The following SPMAP2L variants were observed in gnomAD, a reference collection of about 807,000 sequenced individuals.
SPMAP2L encodes the protein sperm microtubule associated protein 2 like.
chr4:56,608,410 G>A, the SPMAP2L span, among the ~76,000 whole-genome samples: 2 of 152,160 alleles, frequency 1.3e-5, no homozygotes, highest in Non-Finnish European at 2.9e-5. Context: ...TGGCTAGAAG[G>A]AAGTCAGATG....
At chr4:56,582,375 T>G in the SPMAP2L span, among the ~76,000 whole-genome samples, 1 of 152,138 alleles carries the variant, frequency 6.6e-6, no homozygotes, top group African/African-American at 2.4e-5. Context: ...TAACCCAATT[T>G]TTTAAATCGG....
the SPMAP2L span, among the ~76,000 whole-genome samples, chr4:56,623,366 T>C: frequency 1.7e-4 from 26 of 152,326 alleles, no homozygotes; most frequent in East Asian, 5.0e-3. Context: ...GTGTAAGCTT[T>C]TGGAACAAGG....
At chr4:56,605,014 A>G in the SPMAP2L span, among the ~76,000 whole-genome samples, 1 of 152,144 alleles carries the variant, frequency 6.6e-6, no homozygotes, top group Admixed American at 6.5e-5. Context: ...GAAGGCTGGT[A>G]GGGGGGTGAG....
chr4:56,581,690 T>A, the SPMAP2L span, among the ~76,000 whole-genome samples: 2 of 151,948 alleles, frequency 1.3e-5, no homozygotes, highest in Non-Finnish European at 2.9e-5. Flanking sequence ...AAAGTTCATA[T>A]AGAAATGCAA....
At chr4:56,555,759 G>A in the SPMAP2L span, among the ~76,000 whole-genome samples, 1 of 56,576 alleles carries the variant, frequency 1.8e-5, no homozygotes, top group African/African-American at 6.9e-5. Flanking sequence ...AATTCCGATT[G>A]TTCTTTGTTG....
At chr4:56,599,054 A>C in the SPMAP2L span, among the ~76,000 whole-genome samples, 4 of 152,140 alleles carry the variant, frequency 2.6e-5, no homozygotes, top group South Asian at 8.3e-4. Flanking sequence ...GCCACTCCCC[A>C]ATGGAACTGT....
the SPMAP2L span, among the ~76,000 whole-genome samples, chr4:56,611,741 C>T: frequency 2.0e-5 from 3 of 152,184 alleles, no homozygotes; most frequent in Non-Finnish European, 4.4e-5. Context: ...AGAATTTGCT[C>T]AATGGTGCTT....
chr4:56,559,430 T>C, the SPMAP2L span: 1 of 1,530,634 alleles, frequency 6.5e-7, no homozygotes, highest in Non-Finnish European at 8.7e-7. Context: ...ATTCGCCCTG[T>C]TTCCCAGGGT....
At chr4:56,576,179 G>A in the SPMAP2L span, among the ~76,000 whole-genome samples, 1 of 152,156 alleles carries the variant, frequency 6.6e-6, no homozygotes. Context: ...CACTGGACAT[G>A]TATGTGCAGT....
the SPMAP2L span, among the ~76,000 whole-genome samples, chr4:56,592,056 A>G: frequency 6.6e-6 from 1 of 152,212 alleles, no homozygotes; most frequent in Non-Finnish European, 1.5e-5. Flanking sequence ...GGAGGTGAGC[A>G]GGAGGGTGAG....
chr4:56,531,062 A>G, the SPMAP2L span: 6 of 1,535,392 alleles, frequency 3.9e-6, no homozygotes, highest in African/African-American at 6.8e-5. Flanking sequence ...GAGCCCCGCA[A>G]GTCCCGCGAG....
At chr4:56,617,037 T>C in the SPMAP2L span, among the ~76,000 whole-genome samples, 1 of 152,138 alleles carries the variant, frequency 6.6e-6, no homozygotes, top group African/African-American at 2.4e-5. Context: ...CCTCGAATAG[T>C]ACGGAACCCT....
the SPMAP2L span, chr4:56,548,728 C>CTTAATCATATCTTTGATTCCTG: frequency 1.6e-6 from 2 of 1,218,070 alleles, no homozygotes; most frequent in Non-Finnish European, 2.2e-6. Context: ...GTGATGCTAT[C>CTTAATCATATCTTTGATTCCTG]TTAATCATAT....
the SPMAP2L span, among the ~76,000 whole-genome samples, chr4:56,555,209 G>A: frequency 6.6e-6 from 1 of 152,224 alleles, no homozygotes; most frequent in East Asian, 1.9e-4. Context: ...AAAGGGCTGG[G>A]ATTACAGGCA....
chr4:56,595,488 G>A, the SPMAP2L span: 17 of 1,576,082 alleles, frequency 1.1e-5, no homozygotes, highest in African/African-American at 6.7e-5. Context: ...GGGTCAATCC[G>A]CTGAAGATGT....
chr4:56,563,601 A>G, the SPMAP2L span, among the ~76,000 whole-genome samples: 1 of 152,168 alleles, frequency 6.6e-6, no homozygotes, highest in African/African-American at 2.4e-5. Context: ...TTGGTTTCAG[A>G]TAAAATACCA....
chr4:56,546,159 G>T, the SPMAP2L span, among the ~76,000 whole-genome samples: 1 of 151,836 alleles, frequency 6.6e-6, no homozygotes, highest in South Asian at 2.1e-4. Context: ...AATTAATAAT[G>T]GATTTCATTT....
chr4:56,587,941 T>A, the SPMAP2L span, among the ~76,000 whole-genome samples: 1 of 152,232 alleles, frequency 6.6e-6, no homozygotes, highest in African/African-American at 2.4e-5. Context: ...ACCAGCAGTG[T>A]AGAAGTGTTC....
At chr4:56,552,495 T>C in the SPMAP2L span, 14 of 928,348 alleles carry the variant, frequency 1.5e-5, no homozygotes, top group African/African-American at 3.3e-5. Flanking sequence ...AGTCATCTAA[T>C]GTAACCACAT....
Sources: allele counts gnomAD v4.1 joint callset (sites outside exome capture counted in the v4.1 genomes callset), GRCh38; gene constraint gnomAD v4.1.1; transcripts MANE v1.5; gene names NCBI Gene and HGNC (gene_info 2026-07-23, HGNC 2026-07-21).